The following ZC3H12B variants were observed in gnomAD, a reference collection of about 807,000 sequenced individuals.
ZC3H12B encodes the protein probable ribonuclease ZC3H12B.
In ZC3H12B, 7 loss-of-function variants were observed where a neutral mutation model predicts 43.9. The ratio of observed to expected loss-of-function variants is 0.16; its 90% CI spans 0.09 to 0.30. The LOEUF (loss-of-function observed/expected upper bound fraction) is 0.30, where lower values mean the gene tolerates loss of function less well. Ranked by LOEUF, ZC3H12B falls within the 10% of genes least tolerant of loss-of-function variation. The pLI is 1.00. For synonymous variants in ZC3H12B, 222 were observed against 241.7 expected (o/e 0.92, Z 0.76); for missense variants, 475 against 670.2 (o/e 0.71, Z 3.22).
intron 3 of ZC3H12B, among the ~76,000 whole-genome samples, chrX:65,436,375 C>T (rs868348443): frequency 1.3e-4 from 15 of 112,395 alleles, no homozygotes; most frequent in Non-Finnish European, 2.4e-4. Flanking sequence ...ATGAATGTCC[C>T]ACCTCCAGAT....
the ZC3H12B span, among the ~76,000 whole-genome samples, chrX:65,136,703 G>C: frequency 9.0e-6 from 1 of 111,619 alleles, no homozygotes. Context: ...GACAAAATGA[G>C]AACCCAGGGG....
the ZC3H12B span, among the ~76,000 whole-genome samples, chrX:65,102,258 A>G: frequency 8.9e-6 from 1 of 112,114 alleles, no homozygotes; most frequent in Non-Finnish European, 1.9e-5. Flanking sequence ...GCTATTTATG[A>G]CAAACCCATA....
chrX:65,196,354 G>A, the ZC3H12B span, among the ~76,000 whole-genome samples: 1 of 111,342 alleles, frequency 9.0e-6, no homozygotes, highest in Non-Finnish European at 1.9e-5. Context: ...GCGGGGTCAA[G>A]TCAGTGAGTA....
upstream of ZC3H12B, among the ~76,000 whole-genome samples, chrX:65,361,977 T>C (rs1444951045): frequency 8.9e-6 from 1 of 112,274 alleles, no homozygotes; most frequent in Non-Finnish European, 1.9e-5. Context: ...CTGCCTACCC[T>C]AGGATCTTGC....
the ZC3H12B span, among the ~76,000 whole-genome samples, chrX:65,143,718 A>G: frequency 9.3e-6 from 1 of 107,700 alleles, no homozygotes; most frequent in African/African-American, 3.4e-5. Flanking sequence ...GAGCACCACC[A>G]TGCCCAGCTA....
At chrX:65,421,733 A>T (rs1357423622) in intron 3 of ZC3H12B, among the ~76,000 whole-genome samples, 1 of 111,835 alleles carries the variant, frequency 8.9e-6, no homozygotes, top group East Asian at 2.8e-4. Context: ...AGGCTGAGGC[A>T]GGCGGATCAC....
the ZC3H12B span, among the ~76,000 whole-genome samples, chrX:65,066,251 G>T: frequency 9.0e-6 from 1 of 111,218 alleles, no homozygotes. Context: ...TAGCATTTTT[G>T]CACTGGTTTT....
intron 2 of ZC3H12B, among the ~76,000 whole-genome samples, chrX:65,380,237 C>G (rs778347914): frequency 8.9e-6 from 1 of 112,004 alleles, no homozygotes; most frequent in East Asian, 2.8e-4. Flanking sequence ...AAGGGAAGCC[C>G]ATCAGACTAA....
chrX:65,150,523 G>T, the ZC3H12B span, among the ~76,000 whole-genome samples: 2 of 109,394 alleles, frequency 1.8e-5, no homozygotes, highest in East Asian at 2.9e-4. Context: ...GGTGTGTGTT[G>T]TTTCCCTCCT....
upstream of ZC3H12B, among the ~76,000 whole-genome samples, chrX:65,485,521 G>A (rs1249727827): frequency 8.9e-6 from 1 of 112,629 alleles, no homozygotes; most frequent in Non-Finnish European, 1.9e-5. Context: ...CTCCCAAAGC[G>A]CTGGGATTAT....
the ZC3H12B span, among the ~76,000 whole-genome samples, chrX:65,164,770 G>A: frequency 1.8e-5 from 2 of 111,732 alleles, no homozygotes; most frequent in Non-Finnish European, 3.8e-5. Context: ...TCTGGCTTAT[G>A]TACTCTGAAA....
At chrX:65,228,538 A>G in the ZC3H12B span, among the ~76,000 whole-genome samples, 2 of 110,965 alleles carry the variant, frequency 1.8e-5, no homozygotes, top group African/African-American at 3.3e-5. Context: ...GGCCAGGGCA[A>G]TTAGGCAGGA....
chrX:65,324,800 T>A, the ZC3H12B span, among the ~76,000 whole-genome samples: 1 of 110,736 alleles, frequency 9.0e-6, no homozygotes, highest in Non-Finnish European at 1.9e-5. Context: ...TCTCTGTATG[T>A]CTTTTGTTTC....
chrX:65,488,656 C>T, upstream of ZC3H12B: 1 of 676,678 alleles, frequency 1.5e-6, no homozygotes, highest in Non-Finnish European at 2.1e-6. Flanking sequence ...GGACTGATAA[C>T]ATCTGAACAT....
chrX:65,098,580 C>T, the ZC3H12B span, among the ~76,000 whole-genome samples: 1 of 109,939 alleles, frequency 9.1e-6, no homozygotes, highest in African/African-American at 3.3e-5. Flanking sequence ...TAGGCAGTGG[C>T]TTCAGCCCAC....
chrX:65,195,597 G>GA, the ZC3H12B span, among the ~76,000 whole-genome samples: 4 of 112,095 alleles, frequency 3.6e-5, no homozygotes, highest in Admixed American at 1.9e-4. Context: ...CAGGCTGGTG[G>GA]AAAAAATATT....
At chrX:65,212,264 TA>T in the ZC3H12B span, among the ~76,000 whole-genome samples, 73 of 42,056 alleles carry the variant, frequency 1.7e-3, 2 homozygotes, top group Non-Finnish European at 2.1e-3. Flanking sequence ...TATAATATAT[TA>T]TATAATATAT....
the ZC3H12B span, among the ~76,000 whole-genome samples, chrX:65,355,584 C>G: frequency 9.0e-6 from 1 of 111,347 alleles, no homozygotes; most frequent in Non-Finnish European, 1.9e-5. Context: ...CAACAGTCTT[C>G]CAAATAAGAG....
chrX:65,240,363 GC>G, the ZC3H12B span, among the ~76,000 whole-genome samples: 1 of 111,588 alleles, frequency 9.0e-6, no homozygotes, highest in Admixed American at 9.5e-5. Flanking sequence ...GGTCTATTCT[GC>G]TTTTGATACT....
Sources: allele counts gnomAD v4.1 joint callset (sites outside exome capture counted in the v4.1 genomes callset), GRCh38; gene constraint gnomAD v4.1.1; transcripts MANE v1.5; gene names NCBI Gene and HGNC (gene_info 2026-07-23, HGNC 2026-07-21).